CNBP: variants seen among roughly 807,000 people sequenced by gnomAD.
CNBP encodes CCHC-type zinc finger nucleic acid binding protein.
A neutral mutation model predicts 21.2 loss-of-function variants in CNBP; 6 were observed. That is an observed-to-expected ratio of 0.28 (90% CI 0.16 to 0.56). The LOEUF (loss-of-function observed/expected upper bound fraction) is 0.56. Ranked by LOEUF, CNBP falls within the 20% of genes least tolerant of loss-of-function variation. CNBP has a pLI of 0.93. For missense variants in CNBP, 112 were observed against 233.1 expected (o/e 0.48, Z 3.38); for synonymous variants, 61 against 74.9 (o/e 0.81, Z 0.96).
intron 1 of CNBP, among the ~76,000 whole-genome samples, chr3:129,172,691 GACAGAC>G (rs1431915983): frequency 0.062 from 4,575 of 74,322 alleles, 113 homozygotes; most frequent in Middle Eastern, 0.14. Context: ...CAGACAGACA[GACAGAC>G]ACACACACAC....
chr3:129,172,646 AGG>A (rs1560034859), intron 1 of CNBP, among the ~76,000 whole-genome samples: 41 of 109,832 alleles, frequency 3.7e-4, no homozygotes, highest in Non-Finnish European at 6.7e-4. Flanking sequence ...GCAGGCAGGC[AGG>A]CAGGCAGGCA....
At position 129,171,663 on chromosome 3, in the gene CNBP, C is replaced by A; in HGVS notation, c.95G>T (p.Arg32Leu). ...GGGRGRGMRS[R>L]GRGGFTSDRG... ...ATCCGAGGTAAAACCACCTCTGCCACGGCTTCTCATTCCACGACCACGGCC... is the reference window on the plus strand; with the variant it reads ...ATCCGAGGTAAAACCACCTCTGCCAAGGCTTCTCATTCCACGACCACGGCC... The change falls in exon 2 of 5, where the codon CGT (arginine) becomes CTT (leucine). Residue 32 changes from arginine (R) to leucine (L), a missense_variant. Coordinates refer to ENST00000422453, the MANE Select transcript of CNBP (RefSeq NM_003418.5). The A allele has an allele frequency of 6.2e-7, 1 of 1,614,194 alleles. No individual in the cohort carries two copies. Among genetic ancestry groups the A allele is most frequent in the Non-Finnish European group, 8.5e-7 (1 of 1,180,048 alleles).
chr3:129,174,700 A>AAT (rs1286760218), intron 1 of CNBP, among the ~76,000 whole-genome samples: 1 of 151,836 alleles, frequency 6.6e-6, no homozygotes, highest in Non-Finnish European at 1.5e-5. Context: ...GTCAAAGAAA[A>AAT]AAGGCTGCTT....
intron 1 of CNBP, among the ~76,000 whole-genome samples, chr3:129,174,736 A>C (rs1046631201): frequency 5.9e-5 from 9 of 151,590 alleles, no homozygotes; most frequent in African/African-American, 1.9e-4. Context: ...CCCCATCTTC[A>C]TTTTGTATCT....
At chr3:129,170,995 C>T (rs1375783019) in intron 4 of CNBP, 84 bp downstream of exon 4, 1 of 1,402,686 alleles carries the variant, frequency 7.1e-7, no homozygotes, top group Non-Finnish European at 9.7e-7. Flanking sequence ...ACTGAATTTA[C>T]TAAGGCCCTT....
chr3:129,175,432 C>CT (rs369005126), intron 1 of CNBP, among the ~76,000 whole-genome samples: 136 of 122,106 alleles, frequency 1.1e-3, no homozygotes, highest in African/African-American at 2.7e-3. Context: ...AGATGTTTTG[C>CT]TTTTTTTTTT....
rs904440678 is a variant in CNBP at position 129,168,744 on chromosome 3, T to A, written c.*1709A>T. Among the ~76,000 whole-genome samples the A allele has an allele frequency of 6.6e-6, 1 of 151,544 alleles. No homozygotes were observed. Among genetic ancestry groups the A allele is most frequent in the Non-Finnish European group, 1.5e-5 (1 of 67,942 alleles). On this transcript the variant is annotated 3_prime_UTR_variant, in exon 5 of 5. Coordinates refer to ENST00000422453, the MANE Select transcript of CNBP (RefSeq NM_003418.5). The stretch of plus-strand genomic sequence containing the variant: ...TGGGGGGCGGGGCAGGTGGATCACC[T>A]GAGGTCAGGAGTTGGAGACCAGCCC...
intron 1 of CNBP, among the ~76,000 whole-genome samples, chr3:129,175,340 G>GA (rs1435930231): frequency 2.9e-4 from 43 of 148,264 alleles, no homozygotes; most frequent in African/African-American, 1.0e-3. Flanking sequence ...AAGAAAGAAA[G>GA]AAAAAAAACT....
At position 129,170,584 on chromosome 3, in the gene CNBP, T is replaced by TA. The variant is rs762801068; in HGVS notation, c.417-15dup. 1.2e-6 allele frequency: 2 copies of TA among 1,609,008 alleles called. No homozygotes were observed. Among genetic ancestry groups the TA allele is most frequent in the Non-Finnish European group, 1.7e-6 (2 of 1,175,520 alleles). ...GTTTCACCACACCTAAAAAAGAAAT[T>TA]AAAAGTTTTCACAATGGGCCTCAGA... On this transcript the variant is annotated splice_polypyrimidine_tract_variant and intron_variant, in intron 4 of 4. Transcript: ENST00000422453.
chr3:129,177,625 A>AGG (rs903474843), intron 1 of CNBP, among the ~76,000 whole-genome samples: 11 of 152,208 alleles, frequency 7.2e-5, no homozygotes, highest in Non-Finnish European at 1.2e-4. Context: ...GTTTAGAGTG[A>AGG]GGCTAACTGC....
At chr3:129,179,496 G>A (rs1284410514) in intron 1 of CNBP, among the ~76,000 whole-genome samples, 2 of 152,128 alleles carry the variant, frequency 1.3e-5, no homozygotes, top group Non-Finnish European at 2.9e-5. Flanking sequence ...GGATATCTAT[G>A]AGTCAGTCAT....
chr3:129,173,301 T>C (rs1428391844), intron 1 of CNBP, among the ~76,000 whole-genome samples: 1 of 152,220 alleles, frequency 6.6e-6, no homozygotes, highest in Non-Finnish European at 1.5e-5. Flanking sequence ...AGTACTACAC[T>C]ATTTTATATT....
chr3:129,172,509 G>C (rs1203677697), intron 1 of CNBP, among the ~76,000 whole-genome samples: 2 of 152,252 alleles, frequency 1.3e-5, no homozygotes, highest in African/African-American at 4.8e-5. Flanking sequence ...TTGAACCCGG[G>C]GGGTGGAGGT....
At chr3:129,175,801 C>A (rs1486154693) in intron 1 of CNBP, among the ~76,000 whole-genome samples, 1 of 152,134 alleles carries the variant, frequency 6.6e-6, no homozygotes, top group East Asian at 1.9e-4. Context: ...AACACTAAGT[C>A]TTAAAAGGGA....
intron 1 of CNBP, among the ~76,000 whole-genome samples, chr3:129,182,807 G>A (rs1301624809): frequency 6.6e-6 from 1 of 152,022 alleles, no homozygotes; most frequent in Non-Finnish European, 1.5e-5. Context: ...AAGCAACTTA[G>A]TATTTAAATG....
intron 1 of CNBP, among the ~76,000 whole-genome samples, chr3:129,176,287 C>T (rs531567829): frequency 6.6e-6 from 1 of 152,266 alleles, no homozygotes; most frequent in Middle Eastern, 3.4e-3. Context: ...CCAACCTTCA[C>T]GGGCCAACTC....
At position 129,167,887 on chromosome 3, in the gene CNBP, T is replaced by A. The variant is rs531678707; in HGVS notation, c.*2566A>T. On this transcript the variant is annotated 3_prime_UTR_variant, in exon 5 of 5. Transcript: ENST00000422453. ...AGACATACAATTTGCTCAGTAAAAATAGCACATGAAAAAATATTATAAGCT... is the reference window on the plus strand; with the variant it reads ...AGACATACAATTTGCTCAGTAAAAAAAGCACATGAAAAAATATTATAAGCT... Among the ~76,000 whole-genome samples, 20 of 152,220 alleles carry A rather than the reference T, an allele frequency of 1.3e-4. No individual in the cohort carries two copies. The highest frequency in any genetic ancestry group is 4.6e-4 in the African/African-American group (19 of 41,456).
At chr3:129,178,749 ATTTTT>A (rs538954518) in intron 1 of CNBP, among the ~76,000 whole-genome samples, 1 of 144,766 alleles carries the variant, frequency 6.9e-6, no homozygotes, top group Non-Finnish European at 1.5e-5. Flanking sequence ...AACACTTCAG[ATTTTT>A]TTTTTTTTTG....
At chr3:129,182,761 G>GC (rs1312566367) in intron 1 of CNBP, among the ~76,000 whole-genome samples, 1 of 152,050 alleles carries the variant, frequency 6.6e-6, no homozygotes, top group African/African-American at 2.4e-5. Flanking sequence ...TGGAATGTGA[G>GC]CCCCATCAGC....
Sources: allele counts gnomAD v4.1 joint callset (sites outside exome capture counted in the v4.1 genomes callset), GRCh38; gene constraint gnomAD v4.1.1; transcripts MANE v1.5; gene names NCBI Gene and HGNC (gene_info 2026-07-23, HGNC 2026-07-21).